The following SSBP2 variants were observed in gnomAD, a reference collection of about 807,000 sequenced individuals.
The protein encoded by SSBP2 is single-stranded DNA-binding protein 2.
A neutral mutation model predicts 61.8 loss-of-function variants in SSBP2; 17 were observed. That is an observed-to-expected ratio of 0.28 (90% CI 0.19 to 0.41). The LOEUF is 0.41. Ranked by LOEUF, SSBP2 falls within the 10% of genes least tolerant of loss-of-function variation. The probability of loss-of-function intolerance (pLI) is 1.00; values close to 1 mark genes in which losing one functional copy is unlikely to be tolerated. For synonymous variants in SSBP2, 139 were observed against 141.3 expected, an observed-to-expected ratio of 0.98 and a Z score of 0.12; for missense variants, 310 against 458.7, an observed-to-expected ratio of 0.68 and a Z score of 2.96.
At chr5:81,555,885 G>C (rs1309636669) in intron 4 of SSBP2, among the ~76,000 whole-genome samples, 1 of 151,716 alleles carries the variant, frequency 6.6e-6, no homozygotes, top group African/African-American at 2.4e-5. Flanking sequence ...AGTTTTTACT[G>C]CTTTATTATT....
At chr5:81,713,327 G>A (rs1049375419) in intron 1 of SSBP2, among the ~76,000 whole-genome samples, 4 of 150,804 alleles carry the variant, frequency 2.7e-5, no homozygotes, top group African/African-American at 7.3e-5. Flanking sequence ...CCAAACAGGG[G>A]AACACCCCTC....
At chr5:81,521,799 G>A (rs1769507244) in intron 4 of SSBP2, among the ~76,000 whole-genome samples, 1 of 151,926 alleles carries the variant, frequency 6.6e-6, no homozygotes, top group Non-Finnish European at 1.5e-5. Flanking sequence ...GTTAATAGGT[G>A]TAAAGCAAAG....
At chr5:81,631,001 C>A (rs10474035) in intron 3 of SSBP2, among the ~76,000 whole-genome samples, 8,329 of 152,052 alleles carry the variant, frequency 0.055, 439 homozygotes, top group African/African-American at 0.13. Flanking sequence ...TGGAAACACA[C>A]AAAATGAAAA....
chr5:81,597,849 G>A (rs1407715705), intron 4 of SSBP2, among the ~76,000 whole-genome samples: 1 of 130,048 alleles, frequency 7.7e-6, no homozygotes, highest in Admixed American at 8.5e-5. Context: ...CACAAACCAG[G>A]GACTGTTGTG....
chr5:81,672,468 C>T (rs1203105462), intron 1 of SSBP2, among the ~76,000 whole-genome samples: 1 of 151,924 alleles, frequency 6.6e-6, no homozygotes, highest in Non-Finnish European at 1.5e-5. Context: ...ATGATCTCCA[C>T]ATATGAAGCC....
chr5:81,727,978 G>C (rs1189466469), intron 1 of SSBP2, among the ~76,000 whole-genome samples: 1 of 152,178 alleles, frequency 6.6e-6, no homozygotes, highest in African/African-American at 2.4e-5. Flanking sequence ...CCATAGAAAG[G>C]GCTGGGGAAA....
rs1429276171 is a variant in SSBP2, at chr5:81,417,036, A to C, written c.*3468T>G. ...ACCACCATACCTGGCTAATTTTTGT[A>C]TTTTTAGTAGAGATGGGGGGGTTTC... On this transcript the variant is annotated 3_prime_UTR_variant, in exon 17 of 17. Transcript: ENST00000320672. 6.6e-6 allele frequency: 1 copy of C among 151,986 alleles called. No homozygotes were observed. The highest frequency in any genetic ancestry group is 1.5e-5 in the Non-Finnish European group (1 of 68,038). 9.4% of individuals were successfully genotyped at this position (151,986 alleles called of 1,614,324 possible). A position where few individuals can be genotyped will look rare whatever the true frequency, so the allele number is the denominator to read the frequency against.
chr5:81,726,411 A>G lies in SSBP2; in HGVS notation c.62+24570T>C, dbSNP rs59001110. Among the ~76,000 whole-genome samples the G allele has an allele frequency of 1.6e-4, 25 of 152,302 alleles. No individual in the cohort carries two copies. The East Asian group carries it at 4.8e-3, about 29-fold the overall frequency. On this transcript the variant is annotated intron_variant, in intron 1 of 16. Transcript: ENST00000320672. ...CATTTCAGAGGAGAAACAACAGTAC[A>G]GTAAGTGAAATAATATTCCAAGCTC...
At position 81,488,070 on chromosome 5, in the gene SSBP2, C is replaced by T. The variant is rs1248466565; in HGVS notation, c.432+1180G>A. 8.0e-4 allele frequency among the ~76,000 whole-genome samples: 64 copies of T among 79,602 alleles called. 7 individuals carry two copies. Among genetic ancestry groups the T allele is most frequent in the South Asian group, 2.8e-3 (5 of 1,804 alleles). 52.2% of individuals were successfully genotyped at this position (79,602 alleles called of 152,430 possible). The stretch of plus-strand genomic sequence containing the variant: ...ATATATATATATATAAATAAAATAT[C>T]ATATATTATATATATACACACACAC... On this transcript the variant is annotated intron_variant, in intron 6 of 16. Coordinates refer to ENST00000320672, the MANE Select transcript of SSBP2 (RefSeq NM_012446.5).
chr5:81,618,052 C>A (rs1746230750), intron 3 of SSBP2, among the ~76,000 whole-genome samples: 1 of 115,042 alleles, frequency 8.7e-6, no homozygotes, highest in Non-Finnish European at 1.9e-5. Context: ...AACCAATGAG[C>A]AAAATCACCA....
At chr5:81,571,045 A>T (rs573820173) in intron 4 of SSBP2, among the ~76,000 whole-genome samples, 1 of 152,332 alleles carries the variant, frequency 6.6e-6, no homozygotes, top group East Asian at 1.9e-4. Flanking sequence ...TAGACAGTAG[A>T]TACTTCAGAA....
chr5:81,584,100 C>A (rs1379202689), intron 4 of SSBP2, among the ~76,000 whole-genome samples: 2 of 152,036 alleles, frequency 1.3e-5, no homozygotes, highest in African/African-American at 4.8e-5. Context: ...GGAGAGAAGA[C>A]AATAAATTAG....
At chr5:81,628,219 G>A (rs1368856199) in intron 3 of SSBP2, among the ~76,000 whole-genome samples, 3 of 152,178 alleles carry the variant, frequency 2.0e-5, no homozygotes, top group Non-Finnish European at 2.9e-5. Context: ...TTCACATGGC[G>A]ACAGCATGGA....
chr5:81,628,132 A>T (rs575934016), intron 3 of SSBP2, among the ~76,000 whole-genome samples: 3 of 152,288 alleles, frequency 2.0e-5, no homozygotes, highest in African/African-American at 7.2e-5. Flanking sequence ...TGGGTAATTT[A>T]TAAAGGAATG....
chr5:81,626,226 T>C (rs985559178), intron 3 of SSBP2, among the ~76,000 whole-genome samples: 5 of 152,240 alleles, frequency 3.3e-5, no homozygotes, highest in African/African-American at 1.2e-4. Flanking sequence ...TTTTATAAAA[T>C]TCTCACAATA....
chr5:81,414,390 A>G lies in SSBP2; in HGVS notation c.*6114T>C, dbSNP rs1230987561. 1 of 152,188 alleles carries G rather than the reference A, an allele frequency of 6.6e-6. No individual in the cohort carries two copies. Among genetic ancestry groups the G allele is most frequent in the Non-Finnish European group, 1.5e-5 (1 of 68,012 alleles). The allele number at this position is 152,188 out of a possible 1,614,324, so 9.4% of individuals were successfully genotyped here. A position where few individuals can be genotyped will look rare whatever the true frequency, so the allele number is the denominator to read the frequency against. On this transcript the variant is annotated 3_prime_UTR_variant, in exon 17 of 17. Coordinates refer to ENST00000320672, the MANE Select transcript of SSBP2 (RefSeq NM_012446.5). Reference sequence around the variant, plus strand: ...ATACTAAGTTAACAGGGAAAATTTAACAGAGGAAATTCTCCTTGGGACACT... The same window carrying G: ...ATACTAAGTTAACAGGGAAAATTTAGCAGAGGAAATTCTCCTTGGGACACT...
At position 81,751,058 on chromosome 5, in the gene SSBP2, A is replaced by G. The variant is rs775178943; in HGVS notation, c.-16T>C. On this transcript the variant is annotated 5_prime_UTR_variant, in exon 1 of 17. Transcript: ENST00000320672. ...TGCCGTACATGCTTGTGCCGAGAGC[A>G]GCTCCCACTGTCACGCACCTGTCAA... 6.1e-5 allele frequency: 96 copies of G among 1,583,202 alleles called. 1 individual carries two copies. The highest frequency in any genetic ancestry group is 8.1e-5 in the African/African-American group (6 of 74,040).
intron 1 of SSBP2, among the ~76,000 whole-genome samples, chr5:81,676,480 G>A (rs927009589): frequency 2.6e-5 from 4 of 152,016 alleles, no homozygotes; most frequent in Admixed American, 6.6e-5. Context: ...ATCTCATTCC[G>A]TATCTCAACC....
At chr5:81,568,589 C>CA (rs1773613416) in intron 4 of SSBP2, among the ~76,000 whole-genome samples, 1 of 152,100 alleles carries the variant, frequency 6.6e-6, no homozygotes, top group African/African-American at 2.4e-5. Context: ...TAGTTTACTC[C>CA]AAAACATATG....
Sources: allele counts gnomAD v4.1 joint callset (sites outside exome capture counted in the v4.1 genomes callset), GRCh38; gene constraint gnomAD v4.1.1; transcripts MANE v1.5; gene names NCBI Gene and HGNC (gene_info 2026-07-23, HGNC 2026-07-21).